HGFAC: variants seen among roughly 807,000 people sequenced by gnomAD.
HGFAC encodes the protein HGF activator.
A neutral mutation model predicts 70.6 loss-of-function variants in HGFAC; 76 were observed. The ratio of observed to expected loss-of-function variants is 1.08; its 90% confidence interval spans 0.89 to 1.30. The LOEUF (loss-of-function observed/expected upper bound fraction) is 1.30. Among genes scored for constraint, HGFAC ranks in the 50% most tolerant of loss-of-function variants. The probability of loss-of-function intolerance (pLI) is 0.00; values close to 1 mark genes in which losing one functional copy is unlikely to be tolerated. For synonymous variants in HGFAC, 464 were observed against 405.3 expected, an observed-to-expected ratio of 1.14 and a Z score of -1.74; for missense variants, 1,044 against 933.7, an observed-to-expected ratio of 1.12 and a Z score of -1.54.
chr4:3,445,837 A>G, intron 9 of HGFAC: 1 of 1,524,202 alleles, frequency 6.6e-7, no homozygotes, highest in South Asian at 1.2e-5. Flanking sequence ...TCTGGCCCTC[A>G]CAGAGCCTCG....
Position 3,444,368 on chromosome 4 carries a change from G to C in HGFAC, c.656G>C (p.Arg219Pro), listed in dbSNP as rs1294673422. 3 of 1,601,920 alleles carry C rather than the reference G, an allele frequency of 1.9e-6. No individual in the cohort carries two copies. The highest frequency in any genetic ancestry group is 1.3e-5 in the African/African-American group (1 of 74,838). ...CTGGAGGGGGGCGACCGCTGGGCCCGCGTGCGCCAGGGCCACGTGGAACAG... is the reference window on the plus strand; with the variant it reads ...CTGGAGGGGGGCGACCGCTGGGCCCCCGTGCGCCAGGGCCACGTGGAACAG... ...EYLEGGDRWA[R>P]VRQGHVEQCE... is the part of the protein sequence containing the mutation. The change falls in exon 6 of 14, where the codon CGC becomes CCC. Residue 219 changes from arginine to proline, a missense_variant. Coordinates refer to ENST00000382774, the MANE Select transcript of HGFAC (RefSeq NM_001528.4).
chr4:3,448,419 C>A (rs1725609037), intron 13 of HGFAC, 143 bp downstream of exon 13: 4 of 1,027,344 alleles, frequency 3.9e-6, no homozygotes, highest in Non-Finnish European at 5.6e-6. Flanking sequence ...GGGCAGGGAG[C>A]ACACTTACTG....
chr4:3,446,642 C>T (rs1398151909), intron 10 of HGFAC, among the ~76,000 whole-genome samples: 1 of 152,124 alleles, frequency 6.6e-6, no homozygotes, highest in African/African-American at 2.4e-5. Flanking sequence ...CCAGGGAGCG[C>T]AGTGACAATG....
In HGFAC at chr4:3,447,906, C is replaced by T. The variant is rs1284282704; in HGVS notation, c.1507C>T (p.Leu503=). The T allele has an allele frequency of 6.2e-7, 1 of 1,611,164 alleles. No homozygotes were observed. Among genetic ancestry groups the T allele is most frequent in the Non-Finnish European group, 8.5e-7 (1 of 1,179,330 alleles). Residue 503 remains leucine (L), a synonymous_variant, in exon 12 of 14, where the codon CTG becomes TTG. Transcript: ENST00000382774. ...ACTCTTCTGATCAGTCCTGATCCGG[C>T]TGAAGAAGAAAGGGGACCGCTGTGC... The part of the protein sequence containing the change: ...PSDHDLVLIR[L]KKKGDRCATR...
At chr4:3,446,799 T>G (rs1725528018) in intron 10 of HGFAC, among the ~76,000 whole-genome samples, 1 of 152,136 alleles carries the variant, frequency 6.6e-6, no homozygotes, top group Non-Finnish European at 1.5e-5. Flanking sequence ...CGGAGCAGCC[T>G]GGGCCAGACG....
rs1324564626 is a variant in HGFAC at position 3,444,744 on chromosome 4, C to G, written c.841+11C>G. Reference sequence around the variant, plus strand: ...GGCTCTGCAACATCGGTGAGTGGGTCAGCCCCCCGGGGTGCCCTGGGGCAG... The same window carrying G: ...GGCTCTGCAACATCGGTGAGTGGGTGAGCCCCCCGGGGTGCCCTGGGGCAG... On this transcript the variant is annotated intron_variant, in intron 7 of 13. Transcript: ENST00000382774. 2 of 1,583,174 alleles carry G rather than the reference C, an allele frequency of 1.3e-6. No homozygotes were observed. Among genetic ancestry groups the G allele is most frequent in the South Asian group, 1.1e-5 (1 of 88,140 alleles).
In HGFAC at chr4:3,448,290, C is replaced by T. The variant is rs776005896; in HGVS notation, c.1785+14C>T. 19 of 1,606,832 alleles carry T rather than the reference C, an allele frequency of 1.2e-5. No homozygotes were observed. Among genetic ancestry groups the T allele is most frequent in the East Asian group, 8.9e-5 (4 of 44,812 alleles). Reference sequence around the variant, plus strand: ...GACGCCTGCCAGGTGAGCTGGTGCCCGCCCCACCAGGACCCGACTGGTGGG... The same window carrying T: ...GACGCCTGCCAGGTGAGCTGGTGCCTGCCCCACCAGGACCCGACTGGTGGG... On this transcript the variant is annotated intron_variant, in intron 13 of 13. Transcript: ENST00000382774.
At chr4:3,445,155 C>G in intron 8 of HGFAC, 110 bp from the exon 9 acceptor site, 4 of 1,293,434 alleles carry the variant, frequency 3.1e-6, no homozygotes, top group Non-Finnish European at 4.3e-6. Context: ...ACTCTCTTCC[C>G]ACTGCTCCAG....
At chr4:3,445,755 G>A (rs1331530690) in intron 9 of HGFAC, 2 of 990,180 alleles carry the variant, frequency 2.0e-6, no homozygotes, top group Middle Eastern at 2.5e-4. Flanking sequence ...GGGGGTCTCT[G>A]ACTGTGCTGG....
chr4:3,446,412 C>A, intron 10 of HGFAC, 118 bp downstream of exon 10: 1 of 1,287,268 alleles, frequency 7.8e-7, no homozygotes, highest in South Asian at 1.5e-5. Flanking sequence ...CTGACCCCTT[C>A]CCGGGGTCCC....
rs756155933 is a variant in HGFAC at position 3,442,000 on chromosome 4, C to G, written c.-2C>G. ...ACTGCCCCTCAGGCCAGCTCAGGAG[C>G]CATGGGGCGCTGGGCCTGGGTCCCC... is the stretch of plus-strand genomic sequence containing the variant. On this transcript the variant is annotated 5_prime_UTR_variant, in exon 1 of 14. Coordinates refer to ENST00000382774, the MANE Select transcript of HGFAC (RefSeq NM_001528.4). The surrounding 1 kb of genome is among the most constrained non-coding windows in gnomAD (Gnocchi z 6.0). The G allele has an allele frequency of 6.7e-6, 10 of 1,484,194 alleles. No individual in the cohort carries two copies. The Middle Eastern group carries it at 6.1e-4, about 90-fold the overall frequency. The allele number at this position is 1,484,194 out of a possible 1,614,324, so 91.9% of individuals were successfully genotyped here.
chr4:3,447,463 C>T, intron 10 of HGFAC, 29 bp from the exon 11 acceptor site: 2 of 1,610,230 alleles, frequency 1.2e-6, no homozygotes, highest in Middle Eastern at 1.7e-4. Flanking sequence ...GAGGGCTGGT[C>T]CATGCAGCCT....
chr4:3,442,166 C>A, intron 1 of HGFAC, 48 bp downstream of exon 1: 3 of 1,406,040 alleles, frequency 2.1e-6, no homozygotes, highest in Non-Finnish European at 2.9e-6. Context: ...CCAGTGGCTA[C>A]TTGGGGTCCT....
At position 3,446,109 on chromosome 4, in the gene HGFAC, G is replaced by A. The variant is rs140245199; in HGVS notation, c.1170G>A (p.Gly390=). ...LATLPEPASP[G]RQACGRRHKK... The stretch of plus-strand genomic sequence containing the variant: ...CCCTGCCTGAGCCAGCCTCCCCGGG[G>A]CGCCAGGCCTGCGGCAGGAGGCACA... Residue 390 remains glycine, a synonymous_variant, in exon 10 of 14, where the codon GGG becomes GGA. Coordinates refer to ENST00000382774, the MANE Select transcript of HGFAC (RefSeq NM_001528.4). 5.6e-5 allele frequency: 90 copies of A among 1,610,836 alleles called. No individual in the cohort carries two copies. The African/African-American group carries it at 1.1e-3, about 20-fold the overall frequency.
chr4:3,447,892 CAGTCCTGATCCGGCTGA>C lies in HGFAC; in HGVS notation c.1496_1512del (p.Val499GlufsTer41). 1 of 1,610,738 alleles carries C rather than the reference CAGTCCTGATCCGGCTGA, an allele frequency of 6.2e-7. No homozygotes were observed. Among genetic ancestry groups the C allele is most frequent in the East Asian group, 2.2e-5 (1 of 44,802 alleles). ...GGCTGACCCTGGCCACTCTTCTGAT[CAGTCCTGATCCGGCTGA>C]AGAAGAAAGGGGACCGCTGTGCCAC... is the stretch of plus-strand genomic sequence containing the variant. On this transcript the variant is annotated splice_acceptor_variant and coding_sequence_variant, in exon 12 of 14. Transcript: ENST00000382774. LOFTEE classifies it high-confidence loss of function.
At position 3,445,016 on chromosome 4, in the gene HGFAC, C is replaced by T. The variant is rs749535855; in HGVS notation, c.1016+23C>T. 1.0e-5 allele frequency: 16 copies of T among 1,537,340 alleles called. No individual in the cohort carries two copies. The African/African-American group carries it at 1.9e-4, about 18-fold the overall frequency. Reference sequence around the variant, plus strand: ...CCGGTCAGCACCACGCCGCTCCAGGCCGCCGCATGCGGGGCAGGCAGGATT... The same window carrying T: ...CCGGTCAGCACCACGCCGCTCCAGGTCGCCGCATGCGGGGCAGGCAGGATT... On this transcript the variant is annotated intron_variant, in intron 8 of 13. Coordinates refer to ENST00000382774, the MANE Select transcript of HGFAC (RefSeq NM_001528.4).
intron 4 of HGFAC, 101 bp downstream of exon 4, chr4:3,443,521 G>A: frequency 4.3e-6 from 3 of 690,904 alleles, no homozygotes; most frequent in East Asian, 3.4e-5. Context: ...GGTCCTGGCT[G>A]GAGGGGAGCA....
chr4:3,443,382 GCTA>G lies in HGFAC; in HGVS notation c.440_442del (p.Tyr147del). On this transcript the variant is annotated inframe_deletion, in exon 4 of 14. Transcript: ENST00000382774. The stretch of plus-strand genomic sequence containing the variant: ...AACTACGACCGGGACAGGGCCTGGG[GCTA>G]CTGTGTGGAGGCCACCCCGCCTCCA... 1 of 1,524,260 alleles carries G rather than the reference GCTA, an allele frequency of 6.6e-7. No individual in the cohort carries two copies. Among genetic ancestry groups the G allele is most frequent in the Non-Finnish European group, 8.8e-7 (1 of 1,134,382 alleles). The allele number at this position is 1,524,260 out of a possible 1,614,324, so 94.4% of individuals were successfully genotyped here. A position where few individuals can be genotyped will look rare whatever the true frequency, so the allele number is the denominator to read the frequency against.
At chr4:3,446,425 G>T (rs1725518341) in intron 10 of HGFAC, 131 bp downstream of exon 10, 1 of 1,212,484 alleles carries the variant, frequency 8.2e-7, no homozygotes, top group East Asian at 2.6e-5. Flanking sequence ...GGGGTCCCCG[G>T]TAACCCTCTC....
Sources: allele counts gnomAD v4.1 joint callset (sites outside exome capture counted in the v4.1 genomes callset), GRCh38; gene constraint gnomAD v4.1.1; non-coding constraint Gnocchi (gnomAD v3.1); transcripts MANE v1.5; gene names NCBI Gene and HGNC (gene_info 2026-07-23, HGNC 2026-07-21).